The following POU6F1 variants were observed in gnomAD, a reference collection of about 807,000 sequenced individuals.
The protein encoded by POU6F1 is POU class 6 homeobox 1.
A neutral mutation model predicts 28.9 loss-of-function variants in POU6F1; 9 were observed. The observed-to-expected ratio is 0.31, with a 90% CI of 0.19 to 0.54. The LOEUF (loss-of-function observed/expected upper bound fraction) is 0.54, where lower values mean the gene tolerates loss of function less well. POU6F1 is among the 20% of genes least tolerant of loss of function. The probability of loss-of-function intolerance (pLI) is 0.94; values close to 1 mark genes in which losing one functional copy is unlikely to be tolerated. For synonymous variants in POU6F1, 173 were observed against 171.1 expected (o/e 1.01, Z -0.09); for missense variants, 338 against 426.1 (o/e 0.79, Z 1.82).
At chr12:51,216,581 T>C (rs7399018) in intron 1 of POU6F1, among the ~76,000 whole-genome samples, 115,347 of 152,136 alleles carry the variant, frequency 0.76, 43,789 homozygotes, top group Non-Finnish European at 0.78. Context: ...GTCACAGAAG[T>C]ATCACTTTGA....
intron 3 of POU6F1, among the ~76,000 whole-genome samples, chr12:51,203,553 G>A (rs1305933221): frequency 2.6e-5 from 4 of 152,210 alleles, no homozygotes; most frequent in African/African-American, 9.7e-5. Context: ...TTTGCATACT[G>A]ATGTGAAGGT....
chr12:51,209,516 T>C (rs1943848736), intron 1 of POU6F1, among the ~76,000 whole-genome samples: 1 of 152,256 alleles, frequency 6.6e-6, no homozygotes, highest in South Asian at 2.1e-4. Context: ...CACTATATTT[T>C]GTTTATCCAT....
Position 51,190,136 on chromosome 12 carries a change from G to T in POU6F1, c.*111C>A. ...CACACGGTGGAGTCTGATGACCTGG[G>T]GTGAGCACAGCTGCACGTGGCAAAA... On this transcript the variant is annotated 3_prime_UTR_variant, in exon 11 of 11. Coordinates refer to ENST00000333640, the MANE Select transcript of POU6F1 (RefSeq NM_001330422.2). This position sits in a 1 kb window ranked among gnomAD's most constrained non-coding sequence, Gnocchi z 4.5. 1 of 1,465,052 alleles carries T rather than the reference G, an allele frequency of 6.8e-7. No individual in the cohort carries two copies. The allele number at this position is 1,465,052 out of a possible 1,614,324, so 90.8% of individuals were successfully genotyped here.
chr12:51,204,069 T>G, intron 3 of POU6F1, 104 bp downstream of exon 3: 1 of 398,070 alleles, frequency 2.5e-6, no homozygotes, highest in Non-Finnish European at 4.4e-6. Flanking sequence ...GACAAGACCC[T>G]AAAACCACCT....
intron 3 of POU6F1, among the ~76,000 whole-genome samples, chr12:51,202,742 G>C (rs1316195021): frequency 6.6e-6 from 1 of 152,130 alleles, no homozygotes; most frequent in African/African-American, 2.4e-5. Flanking sequence ...TTTGACAATG[G>C]CCAAAACCAG....
chr12:51,188,750 T>A lies in POU6F1; in HGVS notation c.*1497A>T, dbSNP rs904854830. ...TTCCCTCAGGGTGGATCATGGGAGG[T>A]CCACTGGAGGCAGCTGTTAGAGACC... On this transcript the variant is annotated 3_prime_UTR_variant, in exon 11 of 11. Coordinates refer to ENST00000333640, the MANE Select transcript of POU6F1 (RefSeq NM_001330422.2). The A allele has an allele frequency of 1.3e-5, 2 of 151,926 alleles. No homozygotes were observed. Among genetic ancestry groups the A allele is most frequent in the Non-Finnish European group, 2.9e-5 (2 of 67,996 alleles). The allele number at this position is 151,926 out of a possible 1,614,324, so 9.4% of individuals were successfully genotyped here. A position where few individuals can be genotyped will look rare whatever the true frequency, so the allele number is the denominator to read the frequency against.
chr12:51,194,533 G>A (rs370361733), intron 8 of POU6F1, among the ~76,000 whole-genome samples: 126 of 151,774 alleles, frequency 8.3e-4, no homozygotes, highest in African/African-American at 2.2e-3. Context: ...CCCAGCTACC[G>A]GGGAGGCTGA....
chr12:51,215,069 G>A (rs866791431), intron 1 of POU6F1, among the ~76,000 whole-genome samples: 1 of 152,140 alleles, frequency 6.6e-6, no homozygotes, highest in Non-Finnish European at 1.5e-5. Context: ...CATATCCCTG[G>A]TGCCTAAGAT....
At chr12:51,212,158 A>G (rs1244455249) in intron 1 of POU6F1, among the ~76,000 whole-genome samples, 1 of 151,848 alleles carries the variant, frequency 6.6e-6, no homozygotes, top group Admixed American at 6.6e-5. Context: ...CAGTGGCACA[A>G]TCTCGGCTCA....
chr12:51,211,982 T>A lies in POU6F1; in HGVS notation c.-47-5099A>T, dbSNP rs139864410. 2.3e-3 allele frequency among the ~76,000 whole-genome samples: 357 copies of A among 152,270 alleles called. 1 individual carries two copies. The highest frequency in any genetic ancestry group is 3.8e-3 in the Non-Finnish European group (259 of 68,022). On this transcript the variant is annotated intron_variant, in intron 1 of 10. Transcript: ENST00000333640. ...ATTCCAAGATACCCAGGAGGAGAAC[T>A]GGGATATCCCAAACAAATCAGAACT...
At chr12:51,201,117 C>T (rs545797348) in intron 3 of POU6F1, among the ~76,000 whole-genome samples, 24 of 152,338 alleles carry the variant, frequency 1.6e-4, no homozygotes, top group Non-Finnish European at 3.4e-4. Context: ...AAAGCTCCCC[C>T]TGCGATATGG....
intron 1 of POU6F1, among the ~76,000 whole-genome samples, chr12:51,212,661 T>G (rs1009659656): frequency 6.8e-6 from 1 of 146,558 alleles, no homozygotes; most frequent in Non-Finnish European, 1.5e-5. Context: ...ATGCCTGTAA[T>G]CCCAGCTACT....
chr12:51,196,194 G>A, intron 7 of POU6F1, 21 bp from the exon 8 acceptor site: 1 of 1,475,586 alleles, frequency 6.8e-7, no homozygotes, highest in Non-Finnish European at 9.0e-7. Context: ...ATAAGGCAGG[G>A]ACCCCAGGTG....
chr12:51,212,286 G>T (rs1264570233), intron 1 of POU6F1, among the ~76,000 whole-genome samples: 36 of 151,702 alleles, frequency 2.4e-4, no homozygotes. Flanking sequence ...TAGAGACGGG[G>T]TTTCACCATG....
chr12:51,196,995 G>A, intron 6 of POU6F1, 68 bp from the exon 7 acceptor site: 1 of 875,816 alleles, frequency 1.1e-6, no homozygotes, highest in Non-Finnish European at 1.8e-6. Flanking sequence ...GAGGGAAGAG[G>A]ACAGAGGGCA....
chr12:51,207,905 G>A (rs879456389), intron 1 of POU6F1, among the ~76,000 whole-genome samples: 1 of 152,188 alleles, frequency 6.6e-6, no homozygotes, highest in African/African-American at 2.4e-5. Context: ...CCTGCCCTGT[G>A]CAGTGAGGAG....
rs1002546702 is a variant in POU6F1, at chr12:51,191,632, G to A, written c.1454C>T (p.Thr485Met). 16 of 1,613,764 alleles carry A rather than the reference G, an allele frequency of 9.9e-6. No homozygotes were observed. Among genetic ancestry groups the A allele is most frequent in the South Asian group, 1.1e-5 (1 of 91,078 alleles). ...QTQVGQALTA[T>M]EGPAYSQSAI... ...TGACTGGCTGTAGGCTGGACCTTCC[G>A]TTGCAGTCAGAGCCTGACCCACCTG... is the stretch of plus-strand genomic sequence containing the variant. The change falls in exon 10 of 11, where the codon ACG becomes ATG. Residue 485 changes from threonine to methionine, a missense_variant. By Grantham distance (81) the Thr-to-Met change is moderately conservative. Around this residue, in one of 3 missense-constraint regions of POU6F1, gnomAD observed 126 missense variants for 176.5 expected, o/e 0.71. Coordinates refer to ENST00000333640, the MANE Select transcript of POU6F1 (RefSeq NM_001330422.2).
At position 51,190,386 on chromosome 12, in the gene POU6F1, T is replaced by C; in HGVS notation, c.1697A>G (p.Asn566Ser). 2 of 1,613,982 alleles carry C rather than the reference T, an allele frequency of 1.2e-6. No individual in the cohort carries two copies. The highest frequency in any genetic ancestry group is 1.7e-6 in the Non-Finnish European group (2 of 1,180,004). The change falls in exon 11 of 11, where the codon AAC becomes AGC. Residue 566 changes from asparagine to serine, a missense_variant. Physicochemically the swap from Asn to Ser is conservative, Grantham distance 46 (BLOSUM62 1). Around this residue, in one of 3 missense-constraint regions of POU6F1, gnomAD observed 126 missense variants for 176.5 expected, o/e 0.71. Transcript: ENST00000333640. This position sits in a 1 kb window ranked among gnomAD's most constrained non-coding sequence, Gnocchi z 4.5. ...GATCTCCTGGCCTGTGGGCAGTGGG[T>C]TCTTCTCAAAATAGGCATTGAGAGC... ...IEALNAYFEK[N>S]PLPTGQEITE...
At chr12:51,214,924 A>G in intron 1 of POU6F1, among the ~76,000 whole-genome samples, 1 of 152,070 alleles carries the variant, frequency 6.6e-6, no homozygotes, top group East Asian at 1.9e-4. Context: ...GTGCCACTGC[A>G]CCCCATCCTG....
Sources: gnomAD v4.1 joint callset for allele counts (sites outside exome capture counted in the v4.1 genomes callset) on GRCh38, gnomAD v4.1.1 for gene constraint, gnomAD v4.1.1 regional missense constraint, Gnocchi (gnomAD v3.1) non-coding constraint, MANE v1.5 for transcripts, NCBI Gene and HGNC (gene_info 2026-07-23, HGNC 2026-07-21) for gene names.